PIP5K1B: variants seen among roughly 807,000 people sequenced by gnomAD.
The protein encoded by PIP5K1B is phosphatidylinositol 4-phosphate 5-kinase type-1 beta.
In PIP5K1B, 42 loss-of-function variants were observed where a neutral mutation model predicts 67.0. The ratio of observed to expected loss-of-function variants is 0.63; its 90% CI spans 0.49 to 0.81. PIP5K1B has a LOEUF of 0.81. Ranked by LOEUF, PIP5K1B falls within the 30% of genes least tolerant of loss-of-function variation. The pLI, the probability that PIP5K1B is intolerant of heterozygous loss-of-function variation, is 0.00. For missense variants in PIP5K1B, 459 were observed against 646.3 expected (o/e 0.71, Z 3.14); for synonymous variants, 214 against 231.4 (o/e 0.92, Z 0.68).
intron 5 of PIP5K1B, among the ~76,000 whole-genome samples, chr9:68,867,666 A>G (rs1419567036): frequency 2.0e-5 from 3 of 152,208 alleles, no homozygotes; most frequent in African/African-American, 7.2e-5. Flanking sequence ...CACATGTGTA[A>G]AAGTAACAAA....
At chr9:68,800,075 G>T (rs1007532919) in intron 2 of PIP5K1B, among the ~76,000 whole-genome samples, 1 of 152,134 alleles carries the variant, frequency 6.6e-6, no homozygotes, top group Non-Finnish European at 1.5e-5. Context: ...ATAGGCAAAG[G>T]ACTTAAATAG....
At chr9:68,967,493 G>A (rs548487182) in intron 14 of PIP5K1B, among the ~76,000 whole-genome samples, 1 of 152,312 alleles carries the variant, frequency 6.6e-6, no homozygotes, top group South Asian at 2.1e-4. Flanking sequence ...TCATGAGGAA[G>A]CTAAGAATTA....
intron 2 of PIP5K1B, among the ~76,000 whole-genome samples, chr9:68,749,602 G>GT (rs560806284): frequency 1.5e-3 from 236 of 152,354 alleles, no homozygotes; most frequent in African/African-American, 5.5e-3. Flanking sequence ...ACATGTTACA[G>GT]TTTGTTTTCC....
intron 2 of PIP5K1B, among the ~76,000 whole-genome samples, chr9:68,751,846 A>T (rs1193123071): frequency 1.3e-5 from 2 of 152,216 alleles, no homozygotes; most frequent in East Asian, 3.8e-4. Context: ...GAACATACTA[A>T]ATGTTTACTT....
chr9:68,799,712 T>C lies in PIP5K1B; in HGVS notation c.-85-18749T>C, dbSNP rs548083197. ...TATGTGAAAGAATGAAACTGGACTT[T>C]TATATCAGACGCAAAACCAACTCAA... On this transcript the variant is annotated intron_variant, in intron 2 of 15. Transcript: ENST00000265382. Among the ~76,000 whole-genome samples, 23 of 152,250 alleles carry C rather than the reference T, an allele frequency of 1.5e-4. No homozygotes were observed. In the South Asian group the frequency reaches 4.6e-3, roughly 30 times the overall value.
At chr9:68,914,168 A>G (rs1825980216) in intron 8 of PIP5K1B, among the ~76,000 whole-genome samples, 1 of 152,196 alleles carries the variant, frequency 6.6e-6, no homozygotes, top group Admixed American at 6.5e-5. Context: ...TGACAATATA[A>G]AAAAAGCATT....
chr9:68,920,419 G>T (rs1257046064), intron 11 of PIP5K1B, among the ~76,000 whole-genome samples: 2 of 132,836 alleles, frequency 1.5e-5, no homozygotes, highest in African/African-American at 5.7e-5. Context: ...CCAGGCTGGA[G>T]TGCAGTGGTG....
At chr9:68,785,868 T>C (rs957957883) in intron 2 of PIP5K1B, among the ~76,000 whole-genome samples, 28 of 152,246 alleles carry the variant, frequency 1.8e-4, no homozygotes, top group Admixed American at 4.6e-4. Flanking sequence ...AACAGTACAA[T>C]ATCCTTCAAA....
intron 4 of PIP5K1B, among the ~76,000 whole-genome samples, chr9:68,861,827 G>A (rs1293322836): frequency 3.3e-5 from 5 of 152,034 alleles, no homozygotes; most frequent in South Asian, 2.1e-4. Context: ...GGTCACTGAC[G>A]CCAAATGGTG....
intron 1 of PIP5K1B, among the ~76,000 whole-genome samples, chr9:68,734,924 A>G (rs1564096036): frequency 6.6e-6 from 1 of 152,260 alleles, no homozygotes; most frequent in African/African-American, 2.4e-5. Flanking sequence ...GGAGGTGACC[A>G]TCTCAGCTTC....
intron 14 of PIP5K1B, among the ~76,000 whole-genome samples, chr9:68,968,389 G>A (rs965396715): frequency 1.3e-5 from 2 of 151,894 alleles, no homozygotes; most frequent in African/African-American, 2.4e-5. Flanking sequence ...GTGTGGTGGT[G>A]CATGCCTGTA....
intron 2 of PIP5K1B, among the ~76,000 whole-genome samples, chr9:68,795,837 A>G (rs1832260760): frequency 1.3e-5 from 2 of 152,206 alleles, no homozygotes; most frequent in African/African-American, 2.4e-5. Flanking sequence ...AACACAGTCA[A>G]TCAACCTTGT....
intron 8 of PIP5K1B, among the ~76,000 whole-genome samples, chr9:68,908,553 C>G (rs77550357): frequency 0.014 from 2,159 of 152,192 alleles, 21 homozygotes; most frequent in Non-Finnish European, 0.02. Flanking sequence ...TTATTTCATT[C>G]TGCTTTGCCA....
intron 1 of PIP5K1B, among the ~76,000 whole-genome samples, chr9:68,736,564 G>C (rs2132304173): frequency 6.6e-6 from 1 of 152,086 alleles, no homozygotes; most frequent in East Asian, 1.9e-4. Flanking sequence ...CAAGGTGTTG[G>C]CAGAGCTGCA....
chr9:68,915,808 C>T (rs1826063408), intron 8 of PIP5K1B, among the ~76,000 whole-genome samples: 1 of 152,210 alleles, frequency 6.6e-6, no homozygotes, highest in Non-Finnish European at 1.5e-5. Context: ...TGTGAACCCT[C>T]TGGAATAATT....
chr9:68,866,657 T>C (rs1823371126), intron 5 of PIP5K1B, among the ~76,000 whole-genome samples: 1 of 152,188 alleles, frequency 6.6e-6, no homozygotes, highest in African/African-American at 2.4e-5. Context: ...CTCTGGGCTG[T>C]CTAAAATAAT....
At chr9:68,905,728 G>A (rs992312341) in intron 8 of PIP5K1B, among the ~76,000 whole-genome samples, 2 of 152,064 alleles carry the variant, frequency 1.3e-5, no homozygotes, top group African/African-American at 2.4e-5. Flanking sequence ...ATTTTATAGG[G>A]CTTAATTTTA....
In PIP5K1B at chr9:68,759,100, C is replaced by T. The variant is rs187014976; in HGVS notation, c.-86+16443C>T. Among the ~76,000 whole-genome samples, 46 of 152,170 alleles carry T rather than the reference C, an allele frequency of 3.0e-4. No homozygotes were observed. The East Asian group carries it at 7.9e-3, about 26-fold the overall frequency. The stretch of plus-strand genomic sequence containing the variant: ...AAGACAATTGCTAAAGGATGTTCTT[C>T]AGACAGAAGGGAAATGATGCCAGAA... On this transcript the variant is annotated intron_variant, in intron 2 of 15. Transcript: ENST00000265382.
intron 9 of PIP5K1B, among the ~76,000 whole-genome samples, chr9:68,918,095 A>ATTTTTT (rs551054460): frequency 7.0e-6 from 1 of 143,084 alleles, no homozygotes; most frequent in Non-Finnish European, 1.5e-5. Context: ...TTATTTATTT[A>ATTTTTT]TTTTTTTTTT....
Sources: gnomAD v4.1 joint callset for allele counts (sites outside exome capture counted in the v4.1 genomes callset) on GRCh38, gnomAD v4.1.1 for gene constraint, MANE v1.5 for transcripts, NCBI Gene and HGNC (gene_info 2026-07-23, HGNC 2026-07-21) for gene names.